The following RGS7 variants were observed in gnomAD, a reference collection of about 807,000 sequenced individuals.
RGS7 encodes regulator of G-protein signaling 7.
A neutral mutation model predicts 81.1 loss-of-function variants in RGS7; 27 were observed. That is an observed-to-expected ratio of 0.33 (90% CI 0.25 to 0.46). The LOEUF is 0.46. RGS7 is among the 20% of genes least tolerant of loss of function. RGS7 has a pLI of 1.00. For missense variants in RGS7, 396 were observed against 607.4 expected (o/e 0.65, Z 3.66); for synonymous variants, 208 against 207.7 (o/e 1.00, Z -0.01).
chr1:241,317,875 A>C (rs2148590781), intron 2 of RGS7, among the ~76,000 whole-genome samples: 1 of 152,322 alleles, frequency 6.6e-6, no homozygotes, highest in East Asian at 1.9e-4. Flanking sequence ...CCAAAGCAGA[A>C]GATAACATTT....
intron 17 of RGS7, among the ~76,000 whole-genome samples, chr1:240,800,950 T>C (rs1264238637): frequency 6.6e-6 from 1 of 152,174 alleles, no homozygotes; most frequent in Non-Finnish European, 1.5e-5. Flanking sequence ...AAAGGCAGGC[T>C]AGTGGGTCTC....
At position 240,811,977 on chromosome 1, in the gene RGS7, T is replaced by C; in HGVS notation, c.1023A>G (p.Pro341=). ...ATTTAAGGAACTGTTCTCTCCCAAC[T>C]GGGTCTTTCAATGCCTCGTCCATGC... The part of the protein sequence containing the change: ...GFGMDEALKD[P]VGREQFLKFL... The change falls in exon 14 of 19, where the codon CCA becomes CCG. Residue 341 remains proline, a synonymous_variant. Coordinates refer to ENST00000440928, the MANE Select transcript of RGS7 (RefSeq NM_001364886.1). The C allele has an allele frequency of 2.5e-6, 4 of 1,613,966 alleles. No homozygotes were observed. The highest frequency in any genetic ancestry group is 2.2e-5 in the South Asian group (2 of 91,082).
intron 9 of RGS7, among the ~76,000 whole-genome samples, chr1:240,833,308 A>T (rs1037698323): frequency 5.3e-5 from 8 of 152,138 alleles, no homozygotes; most frequent in Non-Finnish European, 8.8e-5. Context: ...GATAGACGAG[A>T]TTTCATCATG....
At chr1:240,908,993 C>T (rs984343647) in intron 6 of RGS7, among the ~76,000 whole-genome samples, 2 of 152,162 alleles carry the variant, frequency 1.3e-5, no homozygotes, top group Non-Finnish European at 2.9e-5. Context: ...TTTCCTGAGA[C>T]CTCTAATTCG....
At chr1:241,071,895 A>AAAAAAAAAAAAAAAAAAAAAAAAG (rs2062486752) in intron 3 of RGS7, among the ~76,000 whole-genome samples, 1 of 147,898 alleles carries the variant, frequency 6.8e-6, no homozygotes, top group Non-Finnish European at 1.5e-5. Flanking sequence ...AAAAAAAAAA[A>AAAAAAAAAAAAAAAAAAAAAAAAG]CAAGAAAGAA....
intron 2 of RGS7, among the ~76,000 whole-genome samples, chr1:241,142,170 C>T (rs904154862): frequency 5.9e-5 from 9 of 152,228 alleles, no homozygotes; most frequent in African/African-American, 1.9e-4. Flanking sequence ...TACAACCTCC[C>T]TCCTGGCTGC....
intron 4 of RGS7, among the ~76,000 whole-genome samples, chr1:240,962,068 A>G (rs1023284936): frequency 1.3e-5 from 2 of 152,134 alleles, no homozygotes; most frequent in Non-Finnish European, 2.9e-5. Flanking sequence ...AAAGAGTATT[A>G]CACACGTATG....
At chr1:241,295,276 G>A (rs531010279) in intron 2 of RGS7, among the ~76,000 whole-genome samples, 117 of 144,302 alleles carry the variant, frequency 8.1e-4, no homozygotes, top group East Asian at 1.7e-3. Flanking sequence ...ATGAAACCCC[G>A]TCTCTACTAA....
intron 6 of RGS7, among the ~76,000 whole-genome samples, chr1:240,924,199 G>A (rs1437274401): frequency 6.6e-6 from 1 of 152,128 alleles, no homozygotes; most frequent in African/African-American, 2.4e-5. Flanking sequence ...CAATTGCTGT[G>A]GTTGGCCAAC....
At chr1:241,293,964 C>A (rs1296453811) in intron 2 of RGS7, among the ~76,000 whole-genome samples, 2 of 152,202 alleles carry the variant, frequency 1.3e-5, no homozygotes, top group African/African-American at 2.4e-5. Flanking sequence ...GGATATAAAT[C>A]ATTCTACTAT....
At position 241,040,479 on chromosome 1, in the gene RGS7, T is replaced by TTTTATTTA. The variant is rs3077692; in HGVS notation, c.176-57358_176-57351dup. On this transcript the variant is annotated intron_variant, in intron 3 of 18. Transcript: ENST00000440928. The stretch of plus-strand genomic sequence containing the variant: ...ATGTAGACTCACTTTTTACTTTTCT[T>TTTTATTTA]TTTATTTATTTATTTATTTACTTAT... 2.6e-3 allele frequency among the ~76,000 whole-genome samples: 396 copies of TTTTATTTA among 151,232 alleles called. 1 individual carries two copies. Among genetic ancestry groups the TTTTATTTA allele is most frequent in the Middle Eastern group, 3.5e-3 (1 of 288 alleles).
rs917211874 is a variant in RGS7, at chr1:240,814,058, C to T, written c.846-330G>A. On this transcript the variant is annotated intron_variant, in intron 12 of 18. Coordinates refer to ENST00000440928, the MANE Select transcript of RGS7 (RefSeq NM_001364886.1). ...TCCAATCTTTGGTTAATCAGTCCAC[C>T]CACAGCAGAACAGATTTTATACAAC... is the stretch of plus-strand genomic sequence containing the variant. Among the ~76,000 whole-genome samples the T allele has an allele frequency of 5.3e-5, 8 of 152,074 alleles. No homozygotes were observed. In the South Asian group the frequency reaches 1.7e-3, roughly 31 times the overall value.
intron 6 of RGS7, among the ~76,000 whole-genome samples, chr1:240,927,987 G>T (rs924125933): frequency 3.9e-5 from 6 of 152,094 alleles, no homozygotes. Flanking sequence ...CTGAGTCTGG[G>T]AATGCCTCCA....
chr1:240,947,204 T>C (rs1050869491), intron 4 of RGS7, among the ~76,000 whole-genome samples: 1 of 152,214 alleles, frequency 6.6e-6, no homozygotes, highest in Non-Finnish European at 1.5e-5. Flanking sequence ...CGTTGCATCT[T>C]AGCAGTTCTT....
chr1:241,175,125 A>C (rs911366581), intron 2 of RGS7, among the ~76,000 whole-genome samples: 1 of 151,828 alleles, frequency 6.6e-6, no homozygotes, highest in African/African-American at 2.4e-5. Flanking sequence ...GCTGGTCTCG[A>C]ATGCCTGACC....
chr1:241,058,160 G>A (rs146023267), intron 3 of RGS7, among the ~76,000 whole-genome samples: 4 of 152,126 alleles, frequency 2.6e-5, no homozygotes, highest in African/African-American at 7.2e-5. Flanking sequence ...GGGCAAATGG[G>A]CTCAAACATG....
rs551122102 is a variant in RGS7, at chr1:241,174,895, G to GTTTT, written c.79-76137_79-76134dup. ...ACTAGACTCCAATTCACAGAATTTT[G>GTTTT]TTTTTTTTTTTTTTTTTTTTTTTTT... On this transcript the variant is annotated intron_variant, in intron 2 of 18. Transcript: ENST00000440928. 1.6e-3 allele frequency among the ~76,000 whole-genome samples: 110 copies of GTTTT among 69,234 alleles called. 1 individual carries two copies. Among genetic ancestry groups the GTTTT allele is most frequent in the African/African-American group, 2.0e-3 (33 of 16,726 alleles). 45.4% of individuals were successfully genotyped at this position (69,234 alleles called of 152,430 possible). A position where few individuals can be genotyped will look rare whatever the true frequency, so the allele number is the denominator to read the frequency against.
intron 2 of RGS7, among the ~76,000 whole-genome samples, chr1:241,302,275 C>G (rs536952614): frequency 6.6e-6 from 1 of 152,082 alleles, no homozygotes; most frequent in African/African-American, 2.4e-5. Context: ...GCCGGCCGGG[C>G]GCGGTGGCTT....
intron 2 of RGS7, among the ~76,000 whole-genome samples, chr1:241,239,460 CAA>C (rs1450998961): frequency 1.3e-5 from 2 of 152,170 alleles, no homozygotes; most frequent in Non-Finnish European, 2.9e-5. Context: ...CCCCTTCACT[CAA>C]ATGCTTAGAT....
Sources: gnomAD v4.1 joint callset for allele counts (sites outside exome capture counted in the v4.1 genomes callset) on GRCh38, gnomAD v4.1.1 for gene constraint, MANE v1.5 for transcripts, NCBI Gene and HGNC (gene_info 2026-07-23, HGNC 2026-07-21) for gene names.